Variants in PRKDC observed in about 807,000 individuals in gnomAD.
PRKDC encodes protein kinase, DNA-activated, catalytic subunit, also known as DNA-dependent protein kinase catalytic subunit.
Under a neutral mutation model 486.9 loss-of-function variants are expected in PRKDC, and 82 were observed. The observed-to-expected ratio is 0.17, with a 90% confidence interval of 0.14 to 0.20. The LOEUF (loss-of-function observed/expected upper bound fraction) is 0.20, where lower values mean the gene tolerates loss of function less well. Among genes scored for constraint, PRKDC ranks in the 10% least tolerant of loss-of-function variants. The pLI is 1.00. For synonymous variants in PRKDC, 1,895 were observed against 1,837.0 expected, an observed-to-expected ratio of 1.03 and a Z score of -0.81; for missense variants, 4,504 against 5,038.2, an observed-to-expected ratio of 0.89 and a Z score of 3.21.
In PRKDC at chr8:47,855,257, G is replaced by T; in HGVS notation, c.6726C>A (p.Val2242=). 1 of 1,604,620 alleles carries T rather than the reference G, an allele frequency of 6.2e-7. No homozygotes were observed. Among genetic ancestry groups the T allele is most frequent in the Non-Finnish European group, 8.5e-7 (1 of 1,175,140 alleles). Residue 2242 remains valine, a synonymous_variant, in exon 50 of 86, where the codon GTC becomes GTA. Transcript: ENST00000314191. ...RHNLEIIKTL[V]ECWKDCLSIP... is the part of the protein sequence containing the mutation. ...TGGATAAACAATCCTTCCAGCACTC[G>T]ACAAGGGTCTTTATAATTTCAAGGT...
intron 49 of PRKDC, 59 bp downstream of exon 49, chr8:47,857,097 G>C: frequency 6.5e-7 from 1 of 1,535,708 alleles, no homozygotes; most frequent in East Asian, 2.3e-5. Flanking sequence ...TGTGTCATAG[G>C]CTCTATAGGC....
rs760449313 is a variant in PRKDC, at chr8:47,935,924, G to GT, written c.1279-25dup. 5.6e-6 allele frequency: 9 copies of GT among 1,598,656 alleles called. 1 individual carries two copies. The South Asian group carries it at 1.0e-4, about 18-fold the overall frequency. ...ACCTACCGGAAATAATCAGCAAACC[G>GT]TGAGTTAGAGGAGGTAATCAATGAA... On this transcript the variant is annotated intron_variant, in intron 12 of 85. Coordinates refer to ENST00000314191, the MANE Select transcript of PRKDC (RefSeq NM_006904.7).
chr8:47,952,574 C>T (rs1217559536), intron 7 of PRKDC, among the ~76,000 whole-genome samples: 3 of 152,074 alleles, frequency 2.0e-5, no homozygotes, highest in South Asian at 2.1e-4. Flanking sequence ...ACACAAAACT[C>T]GCTAGGTGTG....
intron 77 of PRKDC, among the ~76,000 whole-genome samples, chr8:47,784,299 G>T (rs1401643304): frequency 6.6e-6 from 1 of 152,030 alleles, no homozygotes; most frequent in Non-Finnish European, 1.5e-5. Flanking sequence ...ACTGATTATG[G>T]AAGTTAGCAC....
intron 41 of PRKDC, among the ~76,000 whole-genome samples, chr8:47,864,161 G>A (rs1205245253): frequency 6.6e-6 from 1 of 152,154 alleles, no homozygotes; most frequent in African/African-American, 2.4e-5. Context: ...GGATGTGTAG[G>A]GAGATTAGAT....
chr8:47,859,051 T>C (rs2088614137), intron 46 of PRKDC, 65 bp from the exon 47 acceptor site: 1 of 1,568,724 alleles, frequency 6.4e-7, no homozygotes, highest in South Asian at 1.1e-5. Context: ...AGGCAGTGGA[T>C]GTGGGAGGCT....
chr8:47,822,407 T>C (rs1263217178), intron 64 of PRKDC, among the ~76,000 whole-genome samples: 1 of 152,100 alleles, frequency 6.6e-6, no homozygotes, highest in Non-Finnish European at 1.5e-5. Flanking sequence ...TTGATTTACA[T>C]CTCTACTGGG....
At chr8:47,834,540 A>G in intron 58 of PRKDC, 144 bp from the exon 59 acceptor site, 2 of 809,774 alleles carry the variant, frequency 2.5e-6, no homozygotes, top group Non-Finnish European at 3.8e-6. Flanking sequence ...GTCAGGTCCC[A>G]GGGTATGCCC....
rs759065169 is a variant in PRKDC, at chr8:47,882,104, C to T, written c.4777-7G>A. Reference sequence around the variant, plus strand: ...CGTTCAAAACGGCACTCACCTGAGACAATTTCGTTGTGAGTGAAGAAAAAT... The same window carrying T: ...CGTTCAAAACGGCACTCACCTGAGATAATTTCGTTGTGAGTGAAGAAAAAT... On this transcript the variant is annotated splice_region_variant and splice_polypyrimidine_tract_variant and intron_variant, in intron 36 of 85. Coordinates refer to ENST00000314191, the MANE Select transcript of PRKDC (RefSeq NM_006904.7). 1.3e-6 allele frequency: 2 copies of T among 1,595,558 alleles called. No individual in the cohort carries two copies. Among genetic ancestry groups the T allele is most frequent in the South Asian group, 2.3e-5 (2 of 87,262 alleles).
In PRKDC at chr8:47,834,349, G is replaced by A. The variant is rs1318373844; in HGVS notation, c.7999C>T (p.Leu2667=). Residue 2667 remains leucine (L), a synonymous_variant, in exon 59 of 86, where the codon CTG becomes TTG. Transcript: ENST00000314191. The stretch of plus-strand genomic sequence containing the variant: ...GATGAGGGACTGGTGTGGTCGACCA[G>A]CGGGTCAGTGCTGCTCCCGGTCAGC... ...DWLTGSSTDP[L]VDHTSPSSDS... The A allele has an allele frequency of 6.2e-7, 1 of 1,613,972 alleles. No homozygotes were observed.
intron 54 of PRKDC, among the ~76,000 whole-genome samples, chr8:47,842,036 T>A (rs1226258481): frequency 6.6e-6 from 1 of 152,094 alleles, no homozygotes; most frequent in African/African-American, 2.4e-5. Flanking sequence ...CCCAGAGACA[T>A]ACCCCACAAC....
Position 47,927,831 on chromosome 8 carries a change from A to C in PRKDC, c.2199T>G (p.Leu733=), listed in dbSNP as rs978903891. The change falls in exon 20 of 86, where the codon CTT becomes CTG. Residue 733 remains leucine, a synonymous_variant. Transcript: ENST00000314191. ...CAATGATGTTGTGTGGCAAGGACAG[A>C]AGAAAGGTCAAACAAGAGGCCAAAA... The part of the protein sequence containing the change: ...DELLASCLTF[L]LSLPHNIIEL... The C allele has an allele frequency of 6.3e-7, 1 of 1,596,642 alleles. No individual in the cohort carries two copies. The highest frequency in any genetic ancestry group is 8.5e-7 in the Non-Finnish European group (1 of 1,172,980).
intron 56 of PRKDC, among the ~76,000 whole-genome samples, chr8:47,838,946 A>G (rs1329053894): frequency 6.6e-6 from 1 of 152,206 alleles, no homozygotes; most frequent in African/African-American, 2.4e-5. Flanking sequence ...CAAGAGTGTT[A>G]TTTTTAAGTT....
intron 35 of PRKDC, among the ~76,000 whole-genome samples, chr8:47,886,922 T>C (rs1390989830): frequency 1.3e-5 from 2 of 152,152 alleles, no homozygotes. Flanking sequence ...ACTCCTGGGC[T>C]CAAGCCATCT....
Position 47,893,179 on chromosome 8 carries a change from C to T in PRKDC, c.3807G>A (p.Thr1269=), listed in dbSNP as rs913376685. ...CTCCTACAGTTCTCTCGCCAATGAA[C>T]GTGTTGTAGCACTCCAACGCGGCCA... is the stretch of plus-strand genomic sequence containing the variant. ...LLLAALECYN[T]FIGERTVGAL... The change falls in exon 31 of 86, where the codon ACG becomes ACA. Residue 1269 remains threonine (T), a synonymous_variant. Coordinates refer to ENST00000314191, the MANE Select transcript of PRKDC (RefSeq NM_006904.7). The T allele has an allele frequency of 9.3e-6, 15 of 1,612,394 alleles. No homozygotes were observed. The highest frequency in any genetic ancestry group is 3.3e-4 in the Middle Eastern group (2 of 6,076).
intron 73 of PRKDC, among the ~76,000 whole-genome samples, chr8:47,796,386 C>G (rs895325535): frequency 6.6e-6 from 1 of 151,938 alleles, no homozygotes; most frequent in Non-Finnish European, 1.5e-5. Flanking sequence ...CACTGTCAAT[C>G]TGAGAAGTGA....
rs764459252 is a variant in PRKDC at position 47,943,941 on chromosome 8, T to C, written c.777+33A>G. 2.6e-6 allele frequency: 4 copies of C among 1,555,172 alleles called. No individual in the cohort carries two copies. In the South Asian group the frequency reaches 4.7e-5, roughly 18 times the overall value. On this transcript the variant is annotated intron_variant, in intron 8 of 85. Coordinates refer to ENST00000314191, the MANE Select transcript of PRKDC (RefSeq NM_006904.7). The stretch of plus-strand genomic sequence containing the variant: ...TTTGAAAGTCTGCACTGTAAAGGCA[T>C]TAGAATAATATTAATAGTAATATTA...
Position 47,821,649 on chromosome 8 carries a change from C to A in PRKDC, c.9066G>T (p.Glu3022Asp). Residue 3022 changes from glutamate (E) to aspartate (D), a missense_variant, in exon 65 of 86, where the codon GAG (glutamate) becomes GAT (aspartate). Physicochemically the swap from Glu to Asp is conservative, Grantham distance 45 (BLOSUM62 2). This residue lies in a region of PRKDC where 1,592 missense variants were observed against 1,724.6 expected (regional missense o/e 0.92). Coordinates refer to ENST00000314191, the MANE Select transcript of PRKDC (RefSeq NM_006904.7). ...AGATTTTATTTAGGTCTGGGGGGTTCTCACTGTCTATACTGGCTGTAGAAC... is the reference window on the plus strand; with the variant it reads ...AGATTTTATTTAGGTCTGGGGGGTTATCACTGTCTATACTGGCTGTAGAAC... Reference protein sequence around the residue: ...EYCSTASIDSENPPDLNKIWS... With the variant: ...EYCSTASIDSDNPPDLNKIWS... The A allele has an allele frequency of 6.2e-7, 1 of 1,603,324 alleles. No homozygotes were observed. Among genetic ancestry groups the A allele is most frequent in the Non-Finnish European group, 8.5e-7 (1 of 1,173,942 alleles).
chr8:47,849,470 T>G lies in PRKDC; in HGVS notation c.7039A>C (p.Lys2347Gln). The change falls in exon 53 of 86, where the codon AAA becomes CAA. Residue 2347 changes from lysine (K) to glutamine (Q), a missense_variant. Around this residue, in one of 6 missense-constraint regions of PRKDC, gnomAD observed 1,592 missense variants for 1,724.6 expected, o/e 0.92. Coordinates refer to ENST00000314191, the MANE Select transcript of PRKDC (RefSeq NM_006904.7). The part of the protein sequence containing the change: ...LEESLCELVA[K>Q]QLKQHQNTME... ...GTATTCTGATGTTGCTTCAATTGTT[T>G]CGCAACCAGTTCACACAGAGACTCC... 2 of 1,614,046 alleles carry G rather than the reference T, an allele frequency of 1.2e-6. No homozygotes were observed. Among genetic ancestry groups the G allele is most frequent in the Middle Eastern group, 1.6e-4 (1 of 6,062 alleles).
Sources: gnomAD v4.1 joint callset for allele counts (sites outside exome capture counted in the v4.1 genomes callset) on GRCh38, gnomAD v4.1.1 for gene constraint, gnomAD v4.1.1 regional missense constraint, MANE v1.5 for transcripts, NCBI Gene and HGNC (gene_info 2026-07-23, HGNC 2026-07-21) for gene names.